EFL1: variants seen among roughly 807,000 people sequenced by gnomAD.
EFL1 encodes elongation factor like GTPase 1.
A neutral mutation model predicts 126.7 loss-of-function variants in EFL1; 76 were observed. That is an observed-to-expected ratio of 0.60 (90% CI 0.50 to 0.73). The LOEUF (loss-of-function observed/expected upper bound fraction) is 0.73, where lower values mean the gene tolerates loss of function less well. Ranked by LOEUF, EFL1 falls within the 30% of genes least tolerant of loss-of-function variation. The pLI, the probability that EFL1 is intolerant of heterozygous loss-of-function variation, is 0.00. For synonymous variants in EFL1, 410 were observed against 448.4 expected, an observed-to-expected ratio of 0.91 and a Z score of 1.08; for missense variants, 1,128 against 1,343.2, an observed-to-expected ratio of 0.84 and a Z score of 2.50.
chr15:82,137,949 G>A (rs2073739524), intron 19 of EFL1, among the ~76,000 whole-genome samples: 1 of 152,042 alleles, frequency 6.6e-6, no homozygotes, highest in Admixed American at 6.6e-5. Flanking sequence ...CCTTATCTTT[G>A]CCACTTGTTA....
At chr15:82,261,874 G>A in intron 1 of EFL1, 77 bp from the exon 2 acceptor site, 1 of 1,139,190 alleles carries the variant, frequency 8.8e-7, no homozygotes, top group Admixed American at 2.3e-5. Flanking sequence ...AATAAACGCT[G>A]GGAGGTGGCA....
At chr15:82,145,066 G>C (rs758135943) in intron 18 of EFL1, among the ~76,000 whole-genome samples, 15 of 151,870 alleles carry the variant, frequency 9.9e-5, no homozygotes, top group Middle Eastern at 6.9e-3. Context: ...CACTTTGGGA[G>C]GCCGAGGCGG....
chr15:82,228,237 G>T lies in EFL1; in HGVS notation c.1023C>A (p.Ile341=). Residue 341 remains isoleucine (I), a synonymous_variant, in exon 10 of 20, where the codon ATC becomes ATA. Transcript: ENST00000268206. ...EARHSDPKVQ[I]NAICSQWLPI... is the part of the protein sequence containing the mutation. ...GTAGCCACTGACTGCAAATGGCGTT[G>T]ATCTGAACTTTAGGGTCTGAATGTC... The T allele has an allele frequency of 6.2e-7, 1 of 1,614,050 alleles. No homozygotes were observed. Among genetic ancestry groups the T allele is most frequent in the Non-Finnish European group, 8.5e-7 (1 of 1,179,958 alleles).
intron 15 of EFL1, among the ~76,000 whole-genome samples, chr15:82,165,579 C>T (rs1301194394): frequency 6.6e-6 from 1 of 152,166 alleles, no homozygotes; most frequent in African/African-American, 2.4e-5. Context: ...TAGAATTTAT[C>T]ACCTCGCTAC....
chr15:82,248,512 T>C (rs1278551147), intron 4 of EFL1, among the ~76,000 whole-genome samples: 2 of 152,126 alleles, frequency 1.3e-5, no homozygotes, highest in Non-Finnish European at 2.9e-5. Flanking sequence ...AATCAACACA[T>C]GCGTAAATCC....
rs1007312694 is a variant in EFL1, at chr15:82,181,644, G to GTGTA, written c.1751-17661_1751-17660insTACA. ...TGCATGTGTGTGTGTGTGTGTGTGT[G>GTGTA]TATATATATATATGAATTCACTTAT... On this transcript the variant is annotated intron_variant, in intron 15 of 19. Transcript: ENST00000268206. Among the ~76,000 whole-genome samples, 1,116 of 151,200 alleles carry GTGTA rather than the reference G, an allele frequency of 7.4e-3. 12 individuals are homozygous for GTGTA. Among genetic ancestry groups the GTGTA allele is most frequent in the African/African-American group, 0.022 (923 of 41,158 alleles).
At chr15:82,145,720 G>C (rs898724495) in intron 18 of EFL1, among the ~76,000 whole-genome samples, 1 of 151,702 alleles carries the variant, frequency 6.6e-6, no homozygotes, top group Admixed American at 6.6e-5. Context: ...TGTAATCCCA[G>C]CTACTTGGGA....
chr15:82,138,812 T>C lies in EFL1; in HGVS notation c.3020A>G (p.Glu1007Gly), dbSNP rs2073753824. The C allele has an allele frequency of 5.0e-6, 8 of 1,613,688 alleles. No individual in the cohort carries two copies. The highest frequency in any genetic ancestry group is 5.9e-6 in the Non-Finnish European group (7 of 1,179,836). Residue 1007 changes from glutamate (E) to glycine (G), a missense_variant, in exon 19 of 20, where the codon GAA becomes GGA. Coordinates refer to ENST00000268206, the MANE Select transcript of EFL1 (RefSeq NM_024580.6). Reference sequence around the variant, plus strand: ...CATTTCTTCTTGAAGTACCCGACCTTCTCTCTTTGACAAGACAGCATAGAC... The same window carrying C: ...CATTTCTTCTTGAAGTACCCGACCTCCTCTCTTTGACAAGACAGCATAGAC... Reference protein sequence around the residue: ...GRVYAVLSKREGRVLQEEMKE... With the variant: ...GRVYAVLSKRGGRVLQEEMKE...
chr15:82,231,034 C>T, intron 7 of EFL1, 63 bp from the exon 8 acceptor site: 3 of 1,551,998 alleles, frequency 1.9e-6, no homozygotes, highest in Admixed American at 3.9e-5. Flanking sequence ...GTGACAGGTA[C>T]TGTTCAAACT....
At chr15:82,180,650 T>C (rs2074243232) in intron 15 of EFL1, among the ~76,000 whole-genome samples, 1 of 152,082 alleles carries the variant, frequency 6.6e-6, no homozygotes, top group Non-Finnish European at 1.5e-5. Flanking sequence ...AAAATAACAT[T>C]AATCATATAA....
At chr15:82,184,053 G>C (rs1317912835) in intron 15 of EFL1, among the ~76,000 whole-genome samples, 1 of 152,196 alleles carries the variant, frequency 6.6e-6, no homozygotes, top group Non-Finnish European at 1.5e-5. Context: ...AGGCTAGATA[G>C]TGGCTAAGAA....
chr15:82,189,518 A>T (rs563573491), intron 15 of EFL1, among the ~76,000 whole-genome samples: 37 of 152,260 alleles, frequency 2.4e-4, no homozygotes, highest in African/African-American at 8.2e-4. Flanking sequence ...TATTTTTTAA[A>T]CTGGGCATCC....
intron 15 of EFL1, among the ~76,000 whole-genome samples, chr15:82,179,954 A>G (rs2074232979): frequency 1.3e-5 from 2 of 152,130 alleles, no homozygotes; most frequent in African/African-American, 2.4e-5. Context: ...TGGTCTACAA[A>G]TATCTCCCTA....
chr15:82,218,691 A>C (rs1426638970), intron 14 of EFL1, among the ~76,000 whole-genome samples: 1 of 152,138 alleles, frequency 6.6e-6, no homozygotes, highest in Non-Finnish European at 1.5e-5. Context: ...ATAAAACATA[A>C]CCCTATACAC....
chr15:82,223,032 CAGTGTCTTCACTA>C (rs2074727753), intron 12 of EFL1, among the ~76,000 whole-genome samples: 1 of 152,186 alleles, frequency 6.6e-6, no homozygotes, highest in South Asian at 2.1e-4. Context: ...GAGTAAAGGT[CAGTGTCTTCACTA>C]AGTTAGGGAA....
intron 15 of EFL1, among the ~76,000 whole-genome samples, chr15:82,196,213 G>A (rs1434874831): frequency 2.6e-5 from 4 of 152,164 alleles, no homozygotes; most frequent in African/African-American, 7.2e-5. Flanking sequence ...TCCTTTTGAG[G>A]AGCCCAGCTA....
chr15:82,150,356 G>A (rs2073894173), intron 18 of EFL1, among the ~76,000 whole-genome samples: 1 of 152,194 alleles, frequency 6.6e-6, no homozygotes, highest in African/African-American at 2.4e-5. Context: ...CTCAGGGTTA[G>A]AGGAAACTTA....
intron 17 of EFL1, among the ~76,000 whole-genome samples, chr15:82,156,753 T>C (rs1052274766): frequency 6.6e-6 from 1 of 152,220 alleles, no homozygotes; most frequent in Non-Finnish European, 1.5e-5. Context: ...GTTATGATTA[T>C]GATTATAGTC....
At chr15:82,204,693 C>T (rs11853682) in intron 15 of EFL1, among the ~76,000 whole-genome samples, 55,844 of 152,018 alleles carry the variant, frequency 0.37, 11,439 homozygotes, top group African/African-American at 0.55. Flanking sequence ...GTTCCTTGAG[C>T]ATGACCTTTG....
Sources: allele counts gnomAD v4.1 joint callset (sites outside exome capture counted in the v4.1 genomes callset), GRCh38; gene constraint gnomAD v4.1.1; transcripts MANE v1.5; gene names NCBI Gene and HGNC (gene_info 2026-07-23, HGNC 2026-07-21).